Variants in INPP4B observed in about 807,000 individuals in gnomAD.
INPP4B encodes inositol polyphosphate 4-phosphatase type II.
In INPP4B, 55 loss-of-function variants were observed where a neutral mutation model predicts 122.5. That is an observed-to-expected ratio of 0.45 (90% CI 0.36 to 0.56). The LOEUF (loss-of-function observed/expected upper bound fraction) is 0.56, where lower values mean the gene tolerates loss of function less well. Ranked by LOEUF, INPP4B falls within the 20% of genes least tolerant of loss-of-function variation. The pLI, the probability that INPP4B is intolerant of heterozygous loss-of-function variation, is 0.00. For missense variants in INPP4B, 1,000 were observed against 1,097.7 expected (o/e 0.91, Z 1.26); for synonymous variants, 403 against 388.7 (o/e 1.04, Z -0.43).
intron 18 of INPP4B, among the ~76,000 whole-genome samples, chr4:142,132,731 C>T (rs1399236325): frequency 6.6e-6 from 1 of 152,172 alleles, no homozygotes; most frequent in Admixed American, 6.5e-5. Flanking sequence ...ATCAATATTT[C>T]CTTTTTAACT....
chr4:142,597,294 A>G (rs1738921515), intron 2 of INPP4B, among the ~76,000 whole-genome samples: 1 of 152,246 alleles, frequency 6.6e-6, no homozygotes, highest in Admixed American at 6.5e-5. Flanking sequence ...GTTTCCACAC[A>G]TGGACAACAA....
At chr4:142,654,787 T>G (rs549477510) in intron 2 of INPP4B, 2 of 152,320 alleles carry the variant, frequency 1.3e-5, no homozygotes, top group Admixed American at 1.3e-4. Flanking sequence ...TAAGGATATT[T>G]GAGAACTGTG....
chr4:142,586,159 A>T (rs1014810318), intron 2 of INPP4B, among the ~76,000 whole-genome samples: 1 of 151,896 alleles, frequency 6.6e-6, no homozygotes, highest in African/African-American at 2.4e-5. Context: ...AAAATGCAAA[A>T]ATTAGCTGGG....
chr4:142,577,529 A>T (rs1734112857), intron 2 of INPP4B, among the ~76,000 whole-genome samples: 1 of 151,998 alleles, frequency 6.6e-6, no homozygotes, highest in Non-Finnish European at 1.5e-5. Flanking sequence ...AAAATAATTC[A>T]TGGAGTCGTG....
chr4:142,675,211 C>T (rs1247954872), intron 2 of INPP4B, among the ~76,000 whole-genome samples: 1 of 152,118 alleles, frequency 6.6e-6, no homozygotes, highest in Non-Finnish European at 1.5e-5. Context: ...TCAGAGAATA[C>T]TATAAACACC....
intron 25 of INPP4B, among the ~76,000 whole-genome samples, chr4:142,047,027 T>C (rs1220662934): frequency 2.6e-5 from 4 of 152,030 alleles, no homozygotes; most frequent in African/African-American, 7.2e-5. Context: ...CTCTCTCTCT[T>C]TTTATAACTA....
At chr4:142,671,232 C>T (rs1040320946) in intron 2 of INPP4B, among the ~76,000 whole-genome samples, 4 of 152,036 alleles carry the variant, frequency 2.6e-5, no homozygotes, top group Non-Finnish European at 4.4e-5. Flanking sequence ...TAAGGCCTGG[C>T]GATCCACCAA....
intron 3 of INPP4B, among the ~76,000 whole-genome samples, chr4:142,433,008 C>T (rs912646116): frequency 6.6e-6 from 1 of 152,120 alleles, no homozygotes; most frequent in Non-Finnish European, 1.5e-5. Flanking sequence ...AGCATACTAT[C>T]CATGCAAAAC....
intron 2 of INPP4B, among the ~76,000 whole-genome samples, chr4:142,537,400 GTATATATATATA>G (rs34425745): frequency 1.2e-4 from 4 of 32,992 alleles, no homozygotes; most frequent in East Asian, 3.7e-4. Context: ...TTTACATACA[GTATATATATATA>G]TATATATATA....
intron 8 of INPP4B, among the ~76,000 whole-genome samples, chr4:142,310,449 A>T (rs1030176860): frequency 6.6e-6 from 1 of 152,184 alleles, no homozygotes; most frequent in African/African-American, 2.4e-5. Flanking sequence ...ATTTAAAATT[A>T]CATATGCGGC....
chr4:142,109,782 T>C (rs1721679254), intron 22 of INPP4B, among the ~76,000 whole-genome samples: 1 of 152,184 alleles, frequency 6.6e-6, no homozygotes, highest in African/African-American at 2.4e-5. Flanking sequence ...ATGTAATGTT[T>C]GTTGACTTGT....
chr4:142,497,500 T>G (rs1325665605), intron 2 of INPP4B, among the ~76,000 whole-genome samples: 1 of 152,188 alleles, frequency 6.6e-6, no homozygotes, highest in Non-Finnish European at 1.5e-5. Context: ...AGTAGGTTCA[T>G]AAATCCAAAA....
intron 11 of INPP4B, among the ~76,000 whole-genome samples, chr4:142,246,339 A>G (rs1233098873): frequency 6.6e-6 from 1 of 152,110 alleles, no homozygotes; most frequent in Non-Finnish European, 1.5e-5. Flanking sequence ...GAAGAAAGTC[A>G]ATGGTAACTT....
intron 2 of INPP4B, among the ~76,000 whole-genome samples, chr4:142,626,106 T>C (rs892888044): frequency 1.3e-5 from 2 of 152,048 alleles, no homozygotes; most frequent in Non-Finnish European, 2.9e-5. Context: ...CCAAAAGCAA[T>C]GGCAACAGAA....
intron 2 of INPP4B, among the ~76,000 whole-genome samples, chr4:142,513,990 C>G (rs1417900447): frequency 1.3e-5 from 2 of 152,090 alleles, no homozygotes; most frequent in African/African-American, 4.8e-5. Flanking sequence ...TCATGAGATT[C>G]CAACATCTTG....
chr4:142,633,917 T>G (rs540999850), intron 2 of INPP4B, among the ~76,000 whole-genome samples: 8 of 152,152 alleles, frequency 5.3e-5, no homozygotes, highest in African/African-American at 1.9e-4. Context: ...TCCCAGCTAC[T>G]TGGGAGACTG....
At chr4:142,620,859 TA>T (rs1246620181) in intron 2 of INPP4B, among the ~76,000 whole-genome samples, 2 of 152,106 alleles carry the variant, frequency 1.3e-5, no homozygotes, top group East Asian at 3.9e-4. Context: ...AAGACTCACT[TA>T]AAACATAACC....
chr4:142,278,645 A>G (rs1027477281), intron 9 of INPP4B, among the ~76,000 whole-genome samples: 3 of 151,868 alleles, frequency 2.0e-5, no homozygotes, highest in Non-Finnish European at 2.9e-5. Flanking sequence ...CCAGGAAGAA[A>G]GTGGAGTTGT....
At chr4:142,211,201 C>A (rs1844735480) in intron 12 of INPP4B, among the ~76,000 whole-genome samples, 1 of 151,882 alleles carries the variant, frequency 6.6e-6, no homozygotes. Context: ...GAAAACATTG[C>A]AAAACAAAAT....
Sources: gnomAD v4.1 joint callset for allele counts (sites outside exome capture counted in the v4.1 genomes callset) on GRCh38, gnomAD v4.1.1 for gene constraint, MANE v1.5 for transcripts, NCBI Gene and HGNC (gene_info 2026-07-23, HGNC 2026-07-21) for gene names.